Variants in BBS9 observed in about 807,000 individuals in gnomAD.
BBS9 encodes the protein protein PTHB1.
Under a neutral mutation model 117.7 loss-of-function variants are expected in BBS9, and 89 were observed. That is an observed-to-expected ratio of 0.76 (90% CI 0.64 to 0.90). The LOEUF is 0.90. BBS9 is among the 40% of genes least tolerant of loss of function. The probability of loss-of-function intolerance (pLI) is 0.00; values close to 1 mark genes in which losing one functional copy is unlikely to be tolerated. For synonymous variants in BBS9, 379 were observed against 370.9 expected, an observed-to-expected ratio of 1.02 and a Z score of -0.25; for missense variants, 982 against 1,042.2, an observed-to-expected ratio of 0.94 and a Z score of 0.80.
At chr7:33,341,410 A>ATGG (rs1816529113) in intron 11 of BBS9, among the ~76,000 whole-genome samples, 1 of 151,918 alleles carries the variant, frequency 6.6e-6, no homozygotes, top group South Asian at 2.1e-4. Flanking sequence ...TTAATACATT[A>ATGG]TGGTGGTGGT....
intron 5 of BBS9, among the ~76,000 whole-genome samples, chr7:33,220,029 A>G (rs1789931495): frequency 6.6e-6 from 1 of 152,140 alleles, no homozygotes; most frequent in Admixed American, 6.5e-5. Flanking sequence ...AACTCCGGAC[A>G]CGCCGCCTTT....
Position 33,405,391 on chromosome 7 carries a change from A to G in BBS9, c.2115+17247A>G, listed in dbSNP as rs373859574. Reference sequence around the variant, plus strand: ...GTTAGGGAGGATTCCCTCTTTTTCTATTGATTGGAATAGTTTCAGAAGGAA... The same window carrying G: ...GTTAGGGAGGATTCCCTCTTTTTCTGTTGATTGGAATAGTTTCAGAAGGAA... On this transcript the variant is annotated intron_variant, in intron 19 of 22. Coordinates refer to ENST00000242067, the MANE Select transcript of BBS9 (RefSeq NM_198428.3). Among the ~76,000 whole-genome samples the G allele has an allele frequency of 1.6e-4, 25 of 151,918 alleles. 1 individual carries two copies. In the East Asian group the frequency reaches 1.9e-3, roughly 12 times the overall value.
chr7:33,347,605 A>G (rs1023370242), intron 12 of BBS9, among the ~76,000 whole-genome samples: 2 of 152,004 alleles, frequency 1.3e-5, no homozygotes, highest in African/African-American at 4.8e-5. Context: ...TTGCAAGTCA[A>G]AATTTTTATG....
chr7:33,380,000 A>G (rs1584568870), intron 17 of BBS9: 1 of 152,860 alleles, frequency 6.5e-6, no homozygotes, highest in Non-Finnish European at 1.5e-5. Context: ...GAAGCTGCAC[A>G]AAGCTCACAA....
At chr7:33,392,916 G>A (rs946373203) in intron 19 of BBS9, among the ~76,000 whole-genome samples, 1 of 152,080 alleles carries the variant, frequency 6.6e-6, no homozygotes, top group Non-Finnish European at 1.5e-5. Flanking sequence ...CTGTAATCCT[G>A]GCACTTTGGG....
chr7:33,388,383 C>T (rs181294506), intron 19 of BBS9, among the ~76,000 whole-genome samples: 36 of 152,152 alleles, frequency 2.4e-4, no homozygotes, highest in African/African-American at 6.5e-4. Context: ...TATTACCTCC[C>T]GGAGTTGTTG....
chr7:33,311,972 T>G (rs1425005492), intron 9 of BBS9, among the ~76,000 whole-genome samples: 1 of 152,232 alleles, frequency 6.6e-6, no homozygotes. Context: ...ATTTTAATTT[T>G]GAAAGAAAAA....
intron 9 of BBS9, among the ~76,000 whole-genome samples, chr7:33,279,801 A>G (rs1200826000): frequency 1.3e-5 from 2 of 152,222 alleles, no homozygotes; most frequent in Non-Finnish European, 2.9e-5. Flanking sequence ...AAATGAAATC[A>G]ATACACAGGT....
chr7:33,537,475 T>G (rs1442230433), intron 21 of BBS9, among the ~76,000 whole-genome samples: 1 of 152,252 alleles, frequency 6.6e-6, no homozygotes, highest in Non-Finnish European at 1.5e-5. Flanking sequence ...GCTATCAAAT[T>G]TATTTCTCTC....
At chr7:33,203,267 T>C (rs1252801722) in intron 5 of BBS9, among the ~76,000 whole-genome samples, 3 of 152,220 alleles carry the variant, frequency 2.0e-5, no homozygotes, top group African/African-American at 4.8e-5. Context: ...TCTCAAACTT[T>C]AGTGTCTACC....
chr7:33,419,083 TC>T (rs1281103300), intron 19 of BBS9, among the ~76,000 whole-genome samples: 3 of 152,168 alleles, frequency 2.0e-5, no homozygotes, highest in African/African-American at 7.2e-5. Context: ...CTTTTTTTTT[TC>T]ATGTGAATTG....
chr7:33,283,954 C>T (rs1409970362), intron 9 of BBS9, among the ~76,000 whole-genome samples: 3 of 152,090 alleles, frequency 2.0e-5, no homozygotes, highest in African/African-American at 7.2e-5. Context: ...CCCTAACGGC[C>T]CCTGTCACAG....
In BBS9 at chr7:33,605,387, C is replaced by T; in HGVS notation, c.*161C>T. The T allele has an allele frequency of 1.3e-6, 1 of 747,042 alleles. No individual in the cohort carries two copies. Among genetic ancestry groups the T allele is most frequent in the Admixed American group, 2.1e-5 (1 of 47,768 alleles). The allele number at this position is 747,042 out of a possible 1,614,324, so 46.3% of individuals were successfully genotyped here. ...AAAGAGGGGTTGGGACTTTTTACTT[C>T]ACTAGGAGAACTTGTAACACCATGG... On this transcript the variant is annotated 3_prime_UTR_variant, in exon 23 of 23. Coordinates refer to ENST00000242067, the MANE Select transcript of BBS9 (RefSeq NM_198428.3).
chr7:33,467,096 A>C (rs555254676), intron 19 of BBS9, among the ~76,000 whole-genome samples: 14 of 152,230 alleles, frequency 9.2e-5, no homozygotes, highest in African/African-American at 3.4e-4. Flanking sequence ...GTTGATCTTT[A>C]AAGAGAATAT....
chr7:33,629,869 G>T (rs1865804855), intron 21 of BBS9, among the ~76,000 whole-genome samples: 1 of 152,162 alleles, frequency 6.6e-6, no homozygotes, highest in African/African-American at 2.4e-5. Flanking sequence ...ACTTGCTACT[G>T]TGGTTACCTC....
At chr7:33,179,767 C>G (rs1449355109) in intron 5 of BBS9, among the ~76,000 whole-genome samples, 1 of 152,108 alleles carries the variant, frequency 6.6e-6, no homozygotes, top group Non-Finnish European at 1.5e-5. Context: ...AATTGTCTTC[C>G]ACAAAACTGG....
intron 5 of BBS9, among the ~76,000 whole-genome samples, chr7:33,241,934 C>A (rs988623082): frequency 6.6e-6 from 1 of 151,958 alleles, no homozygotes; most frequent in African/African-American, 2.4e-5. Context: ...ATTATTTTTG[C>A]TGTTTCTTGG....
intron 21 of BBS9, among the ~76,000 whole-genome samples, chr7:33,572,241 C>G (rs1049223046): frequency 1.3e-5 from 2 of 152,060 alleles, no homozygotes; most frequent in Non-Finnish European, 2.9e-5. Context: ...ACGTAATGTC[C>G]TGTAGTTCCA....
intron 21 of BBS9, among the ~76,000 whole-genome samples, chr7:33,536,503 T>C (rs1446294232): frequency 6.6e-6 from 1 of 152,056 alleles, no homozygotes; most frequent in Non-Finnish European, 1.5e-5. Context: ...AAATAGAAAA[T>C]GGAGGCAGGA....
Sources: gnomAD v4.1 joint callset for allele counts (sites outside exome capture counted in the v4.1 genomes callset) on GRCh38, gnomAD v4.1.1 for gene constraint, MANE v1.5 for transcripts, NCBI Gene and HGNC (gene_info 2026-07-23, HGNC 2026-07-21) for gene names.